Variants in PCP2 observed in about 807,000 individuals in gnomAD.
PCP2 encodes the protein Purkinje cell protein 2, also known as Purkinje cell protein 2 homolog.
A neutral mutation model predicts 18.3 loss-of-function variants in PCP2; 21 were observed. That is an observed-to-expected ratio of 1.14 (90% CI 0.81 to 1.65). PCP2 has a LOEUF of 1.65. PCP2 is among the 40% of genes most tolerant of loss of function. PCP2 has a pLI of 0.00. For synonymous variants in PCP2, 85 were observed against 77.6 expected (o/e 1.10, Z -0.50); for missense variants, 202 against 201.8 (o/e 1.00, Z 0.00).
chr19:7,633,635 GC>G lies in PCP2; in HGVS notation c.-179del. On this transcript the variant is annotated 5_prime_UTR_variant, in exon 1 of 4. An upstream open reading frame in the 5' UTR loses its in-frame stop. Coordinates refer to ENST00000311069, the MANE Select transcript of PCP2 (RefSeq NM_174895.3). ...ATAAAGATCATCCAGATAATTGTTT[GC>G]CCACAACGATGCTGGATCTGGCATG... 1 of 638,648 alleles carries G rather than the reference GC, an allele frequency of 1.6e-6. No individual in the cohort carries two copies. The highest frequency in any genetic ancestry group is 2.7e-6 in the Non-Finnish European group (1 of 373,152). 39.6% of individuals were successfully genotyped at this position (638,648 alleles called of 1,614,324 possible).
At chr19:7,635,827 G>C (rs931376197), upstream of PCP2, among the ~76,000 whole-genome samples, 1 of 149,472 alleles carries the variant, frequency 6.7e-6, no homozygotes, top group Non-Finnish European at 1.5e-5. Flanking sequence ...GCCTGTGACT[G>C]TCCTATTTTT....
chr19:7,634,042 C>T (rs1442362624), upstream of PCP2, among the ~76,000 whole-genome samples: 6 of 152,184 alleles, frequency 3.9e-5, no homozygotes, highest in African/African-American at 1.4e-4. Context: ...TCCTTCAACT[C>T]ACTGTCCCTG....
At chr19:7,634,205 G>A (rs927339653), upstream of PCP2, among the ~76,000 whole-genome samples, 21 of 152,202 alleles carry the variant, frequency 1.4e-4, no homozygotes, top group African/African-American at 4.8e-4. Context: ...ACAGAGGCAG[G>A]CGGGGAGAGG....
rs1284747431 is a variant in PCP2 at position 7,632,321 on chromosome 19, C to G, written c.291+72G>C. The stretch of plus-strand genomic sequence containing the variant: ...TGGGGCAGGCCCTGTTCCCTCCTGG[C>G]TGGGGTGGAGGGCAGGATCGGAGAG... On this transcript the variant is annotated intron_variant, in intron 3 of 3. Coordinates refer to ENST00000311069, the MANE Select transcript of PCP2 (RefSeq NM_174895.3). This position sits in a 1 kb window ranked among gnomAD's most constrained non-coding sequence, Gnocchi z 5.2. 3.1e-5 allele frequency: 50 copies of G among 1,590,638 alleles called. No individual in the cohort carries two copies. The highest frequency in any genetic ancestry group is 4.2e-5 in the Non-Finnish European group (49 of 1,168,974).
chr19:7,635,007 T>C (rs2031471722), upstream of PCP2, among the ~76,000 whole-genome samples: 1 of 152,222 alleles, frequency 6.6e-6, no homozygotes, highest in Non-Finnish European at 1.5e-5. Flanking sequence ...CCTACTCTAC[T>C]CCAGTGTGAC....
rs749608973 is a variant in PCP2 at position 7,632,948 on chromosome 19, C to G, written c.52-118G>C. 5 of 1,482,596 alleles carry G rather than the reference C, an allele frequency of 3.4e-6. No homozygotes were observed. The highest frequency in any genetic ancestry group is 1.3e-5 in the South Asian group (1 of 74,902). The allele number at this position is 1,482,596 out of a possible 1,614,324, so 91.8% of individuals were successfully genotyped here. A position where few individuals can be genotyped will look rare whatever the true frequency, so the allele number is the denominator to read the frequency against. ...GCCTGCCGTCCCCACTTCCTCAGCT[C>G]TCACCATGGTCCCCGCCGATCCTCT... On this transcript the variant is annotated intron_variant, in intron 1 of 3. Coordinates refer to ENST00000311069, the MANE Select transcript of PCP2 (RefSeq NM_174895.3). The surrounding 1 kb of genome is among the most constrained non-coding windows in gnomAD (Gnocchi z 5.2).
chr19:7,635,903 G>GCCCCTGCTGC (rs1481204615), upstream of PCP2, among the ~76,000 whole-genome samples: 3 of 152,060 alleles, frequency 2.0e-5, no homozygotes, highest in African/African-American at 7.2e-5. Flanking sequence ...CAGAAGTCTG[G>GCCCCTGCTGC]CCCCTGCTGC....
At chr19:7,633,088 AT>A in intron 1 of PCP2, 6 of 1,199,126 alleles carry the variant, frequency 5.0e-6, no homozygotes, top group Non-Finnish European at 6.8e-6. Context: ...ACAGGCTCCG[AT>A]GCGTGTCCCG....
chr19:7,633,292 G>T, intron 1 of PCP2, 115 bp downstream of exon 1: 1 of 1,084,382 alleles, frequency 9.2e-7, no homozygotes, highest in Non-Finnish European at 1.3e-6. Flanking sequence ...GCCACAACTG[G>T]GTCAGGGGGT....
rs2031342055 is a variant in PCP2, at chr19:7,632,194, G to A, written c.291+199C>T. 1.2e-6 allele frequency: 1 copy of A among 814,230 alleles called. No homozygotes were observed. The highest frequency in any genetic ancestry group is 1.9e-6 in the Non-Finnish European group (1 of 536,478). The allele number at this position is 814,230 out of a possible 1,614,324, so 50.4% of individuals were successfully genotyped here. On this transcript the variant is annotated intron_variant, in intron 3 of 3. Coordinates refer to ENST00000311069, the MANE Select transcript of PCP2 (RefSeq NM_174895.3). The surrounding 1 kb of genome is among the most constrained non-coding windows in gnomAD (Gnocchi z 5.2). Reference sequence around the variant, plus strand: ...GGCAGGAGCCACAAGTTCCAGCCATGGGTCTTACACTAGCATGGCCCCTGT... The same window carrying A: ...GGCAGGAGCCACAAGTTCCAGCCATAGGTCTTACACTAGCATGGCCCCTGT...
Position 7,632,773 on chromosome 19 carries a change from G to A in PCP2, c.109C>T (p.Arg37Trp), listed in dbSNP as rs748398498. The A allele has an allele frequency of 2.8e-5, 44 of 1,567,698 alleles. No individual in the cohort carries two copies. The highest frequency in any genetic ancestry group is 4.7e-5 in the South Asian group (4 of 85,948). Reference sequence around the variant, plus strand: ...AGTGAACAGCGCTGTCCCTCCATCCGGTCGCCCTGCACGTGGCTCAGCAGA... The same window carrying A: ...AGTGAACAGCGCTGTCCCTCCATCCAGTCGCCCTGCACGTGGCTCAGCAGA... Reference protein sequence around the residue: ...FNLLSHVQGDRMEGQRCSLQA... With the variant: ...FNLLSHVQGDWMEGQRCSLQA... The change falls in exon 2 of 4, where the codon CGG becomes TGG. Residue 37 changes from arginine (R) to tryptophan (W), a missense_variant. Physicochemically the swap from Arg to Trp is moderately radical, Grantham distance 101 (BLOSUM62 -3). Transcript: ENST00000311069. The surrounding 1 kb of genome is among the most constrained non-coding windows in gnomAD (Gnocchi z 5.2).
rs528358437 is a variant in PCP2 at position 7,632,607 on chromosome 19, G to A, written c.167-90C>T. ...CACCCCCACACAGATGCTTCAGGGTGCACAACCACCTCCCACATCCCGTGC... is the reference window on the plus strand; with the variant it reads ...CACCCCCACACAGATGCTTCAGGGTACACAACCACCTCCCACATCCCGTGC... On this transcript the variant is annotated intron_variant, in intron 2 of 3. Transcript: ENST00000311069. The surrounding 1 kb of genome is among the most constrained non-coding windows in gnomAD (Gnocchi z 5.2). The A allele has an allele frequency of 2.9e-4, 461 of 1,590,154 alleles. 1 individual carries two copies. In the African/African-American group the frequency reaches 5.7e-3, roughly 20 times the overall value.
At chr19:7,631,960 T>G in intron 3 of PCP2, 152 bp from the exon 4 acceptor site, 1 of 809,096 alleles carries the variant, frequency 1.2e-6, no homozygotes, top group South Asian at 4.0e-5. Context: ...CCATTTAGGG[T>G]GGCATTTGAG....
At chr19:7,631,938 C>A in intron 3 of PCP2, 130 bp from the exon 4 acceptor site, 2 of 951,448 alleles carry the variant, frequency 2.1e-6, no homozygotes, top group Non-Finnish European at 2.9e-6. Flanking sequence ...CTATGTTTAC[C>A]CTCAATATCT....
chr19:7,632,666 C>T lies in PCP2; in HGVS notation c.166+50G>A, dbSNP rs777619396. The stretch of plus-strand genomic sequence containing the variant: ...CCTCCAGATGACCACTTGCCCTGCA[C>T]TCCCACCCCGTTCACGCCCCATGGA... On this transcript the variant is annotated intron_variant, in intron 2 of 3. Transcript: ENST00000311069. The surrounding 1 kb of genome is among the most constrained non-coding windows in gnomAD (Gnocchi z 5.2). 1.9e-6 allele frequency: 3 copies of T among 1,553,998 alleles called. No homozygotes were observed. The highest frequency in any genetic ancestry group is 2.4e-5 in the East Asian group (1 of 42,076).
At position 7,632,933 on chromosome 19, in the gene PCP2, C is replaced by T. The variant is rs952824040; in HGVS notation, c.52-103G>A. The T allele has an allele frequency of 4.0e-6, 6 of 1,492,090 alleles. No homozygotes were observed. In the African/African-American group the frequency reaches 6.9e-5, roughly 17 times the overall value. 92.4% of individuals were successfully genotyped at this position (1,492,090 alleles called of 1,614,324 possible). On this transcript the variant is annotated intron_variant, in intron 1 of 3. Transcript: ENST00000311069. This position sits in a 1 kb window ranked among gnomAD's most constrained non-coding sequence, Gnocchi z 5.2. ...CACCCTGACCCCGGGGCCTGCCGTC[C>T]CCACTTCCTCAGCTCTCACCATGGT...
upstream of PCP2, among the ~76,000 whole-genome samples, chr19:7,634,317 C>T (rs758058422): frequency 1.1e-4 from 17 of 152,162 alleles, no homozygotes; most frequent in Non-Finnish European, 2.2e-4. Flanking sequence ...CTCCCCAAGA[C>T]GCCTTTACGG....
Position 7,633,651 on chromosome 19 carries a change from G to A in PCP2, c.-194C>T, listed in dbSNP as rs2031429251. ...TAATTGTTTGCCCACAACGATGCTG[G>A]ATCTGGCATGGTGGGTAGGGGGCAG... On this transcript the variant is annotated 5_prime_UTR_variant, in exon 1 of 4. Transcript: ENST00000311069. 8 of 604,304 alleles carry A rather than the reference G, an allele frequency of 1.3e-5. No homozygotes were observed. The highest frequency in any genetic ancestry group is 2.3e-5 in the Non-Finnish European group (8 of 347,666). The allele number at this position is 604,304 out of a possible 1,614,324, so 37.4% of individuals were successfully genotyped here.
chr19:7,636,837 T>C, upstream of PCP2: 2 of 326,434 alleles, frequency 6.1e-6, no homozygotes, highest in Non-Finnish European at 1.1e-5. Flanking sequence ...CCGGGGAAGA[T>C]GGAGGGATTA....
Sources: gnomAD v4.1 joint callset for allele counts (sites outside exome capture counted in the v4.1 genomes callset) on GRCh38, gnomAD v4.1.1 for gene constraint, Gnocchi (gnomAD v3.1) non-coding constraint, MANE v1.5 for transcripts, NCBI Gene and HGNC (gene_info 2026-07-23, HGNC 2026-07-21) for gene names.